NLK: variants seen among roughly 807,000 people sequenced by gnomAD.
The protein encoded by NLK is nemo like kinase, also known as serine/threonine-protein kinase NLK.
NLK carries 11 observed loss-of-function variants against 59.0 expected under a neutral mutation model. That is an observed-to-expected ratio of 0.19 (90% CI 0.12 to 0.31). NLK has a LOEUF of 0.31. NLK is among the 10% of genes least tolerant of loss of function. The pLI, the probability that NLK is intolerant of heterozygous loss-of-function variation, is 1.00. For missense variants in NLK, 410 were observed against 661.1 expected (o/e 0.62, Z 4.16); for synonymous variants, 235 against 235.9 (o/e 1.00, Z 0.03).
At chr17:28,068,956 G>A (rs1318035705) in intron 1 of NLK, among the ~76,000 whole-genome samples, 1 of 152,166 alleles carries the variant, frequency 6.6e-6, no homozygotes. Flanking sequence ...TGGAATTACA[G>A]GTGTAAGCCA....
At position 28,095,091 on chromosome 17, in the gene NLK, T is replaced by TA. The variant is rs528998405; in HGVS notation, c.459-27511dup. 1.7e-4 allele frequency among the ~76,000 whole-genome samples: 26 copies of TA among 152,290 alleles called. No homozygotes were observed. The South Asian group carries it at 4.1e-3, about 24-fold the overall frequency. ...AAATTAGAAGGAAAAATTGGGAAGA[T>TA]ACAAATAATTGCCACCTCAAGTGGA... On this transcript the variant is annotated intron_variant, in intron 1 of 10. Transcript: ENST00000407008.
chr17:28,130,703 G>A (rs1487753998), intron 2 of NLK, among the ~76,000 whole-genome samples: 1 of 152,114 alleles, frequency 6.6e-6, no homozygotes, highest in Non-Finnish European at 1.5e-5. Flanking sequence ...TTCCCCCTTA[G>A]ACAGGATGTG....
intron 3 of NLK, among the ~76,000 whole-genome samples, chr17:28,144,396 C>CCA (rs1356295918): frequency 4.9e-5 from 4 of 81,588 alleles, no homozygotes; most frequent in African/African-American, 1.6e-4. Context: ...CAGGTGAAGC[C>CCA]AAAAAAAAAA....
At position 28,172,605 on chromosome 17, in the gene NLK, G is replaced by T; in HGVS notation, c.1136G>T (p.Gly379Val). 4 of 1,563,344 alleles carry T rather than the reference G, an allele frequency of 2.6e-6. No homozygotes were observed. Among genetic ancestry groups the T allele is most frequent in the Non-Finnish European group, 3.5e-6 (4 of 1,154,968 alleles). ...GGCGCTAAGGCACATATACTCAGGG[G>T]TCCTCATAAACAGGTGAGAGGAGGG... ...CEGAKAHILR[G>V]PHKQPSLPVL... Residue 379 changes from glycine to valine, a missense_variant, in exon 7 of 11, where the codon GGT (glycine) becomes GTT (valine). Gly to Val is a moderately radical substitution (Grantham distance 109). Transcript: ENST00000407008.
At chr17:28,174,000 G>A (rs1207051140) in intron 7 of NLK, among the ~76,000 whole-genome samples, 1 of 152,162 alleles carries the variant, frequency 6.6e-6, no homozygotes, top group Non-Finnish European at 1.5e-5. Flanking sequence ...AATCATCTGT[G>A]TCAAAGAGTT....
At chr17:28,112,428 G>C (rs1360074940) in intron 1 of NLK, among the ~76,000 whole-genome samples, 3 of 152,126 alleles carry the variant, frequency 2.0e-5, no homozygotes, top group Admixed American at 2.0e-4. Flanking sequence ...TGTGGCAGGG[G>C]TGGGGTAAGA....
chr17:28,066,358 C>G (rs1909824636), intron 1 of NLK, among the ~76,000 whole-genome samples: 1 of 152,206 alleles, frequency 6.6e-6, no homozygotes, highest in Non-Finnish European at 1.5e-5. Context: ...TACCATACAG[C>G]CCAAACTGCT....
chr17:28,127,720 T>C lies in NLK; in HGVS notation c.589-4900T>C, dbSNP rs140630951. 4.6e-5 allele frequency among the ~76,000 whole-genome samples: 7 copies of C among 152,332 alleles called. No individual in the cohort carries two copies. In the East Asian group the frequency reaches 1.2e-3, roughly 25 times the overall value. The stretch of plus-strand genomic sequence containing the variant: ...GTCCCAGCAAGGTTTTATGTCTATA[T>C]GCGTATGGAAATTCACAAACATCCT... On this transcript the variant is annotated intron_variant, in intron 2 of 10. Transcript: ENST00000407008.
chr17:28,172,636 T>A lies in NLK; in HGVS notation c.1149+18T>A. The stretch of plus-strand genomic sequence containing the variant: ...ATAAACAGGTGAGAGGAGGGGGGAA[T>A]CTTTTTCTGGTAACCATCTGTTTGG... On this transcript the variant is annotated intron_variant, in intron 7 of 10. Coordinates refer to ENST00000407008, the MANE Select transcript of NLK (RefSeq NM_016231.5). 9 of 1,401,808 alleles carry A rather than the reference T, an allele frequency of 6.4e-6. No homozygotes were observed. The highest frequency in any genetic ancestry group is 6.7e-6 in the Non-Finnish European group (7 of 1,038,516). 86.8% of individuals were successfully genotyped at this position (1,401,808 alleles called of 1,614,324 possible). A position where few individuals can be genotyped will look rare whatever the true frequency, so the allele number is the denominator to read the frequency against.
At chr17:28,199,748 A>T (rs1438395351), downstream of NLK, among the ~76,000 whole-genome samples, 3 of 152,050 alleles carry the variant, frequency 2.0e-5, no homozygotes, top group Non-Finnish European at 4.4e-5. Context: ...CTAAAAAGAA[A>T]AAAAAGTTAT....
At chr17:28,062,636 A>G (rs929185248) in intron 1 of NLK, among the ~76,000 whole-genome samples, 4 of 152,154 alleles carry the variant, frequency 2.6e-5, no homozygotes, top group Non-Finnish European at 5.9e-5. Context: ...GCTGTAGTAC[A>G]GTGGTGCAGT....
At chr17:28,196,720 T>C (rs559262445), downstream of NLK, among the ~76,000 whole-genome samples, 6 of 152,312 alleles carry the variant, frequency 3.9e-5, no homozygotes, top group East Asian at 1.2e-3. Flanking sequence ...GATTGCTCTG[T>C]ATGAAGCAGA....
chr17:28,179,396 T>A lies in NLK; in HGVS notation c.1150-5783T>A, dbSNP rs968617559. On this transcript the variant is annotated intron_variant, in intron 7 of 10. Transcript: ENST00000407008. ...AAGCACATACCACCCTGCCTAGCCT[T>A]TTTTATTTTATTTTATTTTTATTTT... 2.0e-5 allele frequency among the ~76,000 whole-genome samples: 3 copies of A among 151,692 alleles called. No homozygotes were observed. In the East Asian group the frequency reaches 5.8e-4, roughly 29 times the overall value.
At chr17:28,110,217 T>TTATA (rs559599122) in intron 1 of NLK, among the ~76,000 whole-genome samples, 3 of 151,792 alleles carry the variant, frequency 2.0e-5, no homozygotes. Context: ...TATTTATTGC[T>TTATA]TATATATATA....
rs1326188349 is a variant in NLK, at chr17:28,194,815, T to A, written c.*179T>A. On this transcript the variant is annotated 3_prime_UTR_variant, in exon 11 of 11. Coordinates refer to ENST00000407008, the MANE Select transcript of NLK (RefSeq NM_016231.5). The stretch of plus-strand genomic sequence containing the variant: ...AAATGTTACTAGACTTTTAATCTTG[T>A]AAAGTGGTTGTGCTTTTAGAAGAAA... The A allele has an allele frequency of 2.4e-6, 1 of 412,380 alleles. No homozygotes were observed. Among genetic ancestry groups the A allele is most frequent in the Non-Finnish European group, 4.3e-6 (1 of 232,776 alleles). The allele number at this position is 412,380 out of a possible 1,614,324, so 25.5% of individuals were successfully genotyped here. A position where few individuals can be genotyped will look rare whatever the true frequency, so the allele number is the denominator to read the frequency against.
chr17:28,078,677 T>C (rs1910245913), intron 1 of NLK, among the ~76,000 whole-genome samples: 1 of 152,200 alleles, frequency 6.6e-6, no homozygotes, highest in Admixed American at 6.5e-5. Flanking sequence ...ATGATACATG[T>C]AGTGTGCCTA....
At chr17:28,118,230 GAT>G (rs1468561132) in intron 1 of NLK, among the ~76,000 whole-genome samples, 2 of 152,268 alleles carry the variant, frequency 1.3e-5, no homozygotes, top group Non-Finnish European at 2.9e-5. Flanking sequence ...CTGTTACTGA[GAT>G]ATGTACTCAG....
chr17:28,130,577 T>C lies in NLK; in HGVS notation c.589-2043T>C, dbSNP rs111311731. Among the ~76,000 whole-genome samples, 998 of 152,310 alleles carry C rather than the reference T, an allele frequency of 6.6e-3. 17 individuals carry two copies. Among genetic ancestry groups the C allele is most frequent in the African/African-American group, 0.022 (932 of 41,582 alleles). ...AGTAAGAAAGCCTCATTCTTCTCTATCAAGGTTTAATATGTATGGTTGTCA... is the reference window on the plus strand; with the variant it reads ...AGTAAGAAAGCCTCATTCTTCTCTACCAAGGTTTAATATGTATGGTTGTCA... On this transcript the variant is annotated intron_variant, in intron 2 of 10. Transcript: ENST00000407008.
At chr17:28,152,070 A>C (rs1173274775) in intron 3 of NLK, among the ~76,000 whole-genome samples, 1 of 152,246 alleles carries the variant, frequency 6.6e-6, no homozygotes, top group African/African-American at 2.4e-5. Flanking sequence ...GATCAAAAAT[A>C]GTTCAGTTTG....
Sources: gnomAD v4.1 joint callset for allele counts (sites outside exome capture counted in the v4.1 genomes callset) on GRCh38, gnomAD v4.1.1 for gene constraint, MANE v1.5 for transcripts, NCBI Gene and HGNC (gene_info 2026-07-23, HGNC 2026-07-21) for gene names.